Variants in GATA4 observed in about 807,000 individuals in gnomAD.
GATA4 encodes GATA binding protein 4, also known as transcription factor GATA-4.
GATA4 carries 7 observed loss-of-function variants against 37.9 expected under a neutral mutation model. The ratio of observed to expected loss-of-function variants is 0.18; its 90% CI spans 0.11 to 0.35. The LOEUF is 0.35. Ranked by LOEUF, GATA4 falls within the 10% of genes least tolerant of loss-of-function variation. The pLI is 1.00. For missense variants in GATA4, 647 were observed against 653.0 expected, an observed-to-expected ratio of 0.99 and a Z score of 0.10; for synonymous variants, 372 against 292.6, an observed-to-expected ratio of 1.27 and a Z score of -2.77.
intron 2 of GATA4, among the ~76,000 whole-genome samples, chr8:11,726,268 A>T (rs1800919464): frequency 6.6e-6 from 1 of 152,224 alleles, no homozygotes; most frequent in Non-Finnish European, 1.5e-5. Context: ...AAGCCCAGGG[A>T]TGAGCCCATG....
intron 4 of GATA4, 23 bp downstream of exon 4, chr8:11,750,259 C>T (rs201242760): frequency 3.5e-4 from 565 of 1,610,688 alleles, no homozygotes; most frequent in Non-Finnish European, 4.3e-4. Context: ...TGCGCCCATG[C>T]GGCATCCTTG....
chr8:11,709,102 C>A lies in GATA4; in HGVS notation c.616+174C>A, dbSNP rs1049640963. ...CAGTGCGGGGCTGGCGACATCACAGCCCCAGAAGACCGGCTTCTGTGGAAG... is the reference window on the plus strand; with the variant it reads ...CAGTGCGGGGCTGGCGACATCACAGACCCAGAAGACCGGCTTCTGTGGAAG... On this transcript the variant is annotated intron_variant, in intron 2 of 6. Transcript: ENST00000532059. This position sits in a 1 kb window ranked among gnomAD's most constrained non-coding sequence, Gnocchi z 4.3. 6.6e-6 allele frequency among the ~76,000 whole-genome samples: 1 copy of A among 152,172 alleles called. No individual in the cohort carries two copies. Among genetic ancestry groups the A allele is most frequent in the African/African-American group, 2.4e-5 (1 of 41,440 alleles).
At position 11,738,180 on chromosome 8, in the gene GATA4, CAAAAAA is replaced by C. The variant is rs35759534; in HGVS notation, c.617-10723_617-10718del. Among the ~76,000 whole-genome samples the C allele has an allele frequency of 3.6e-5, 3 of 82,474 alleles. No individual in the cohort carries two copies. The South Asian group carries it at 1.2e-3, about 32-fold the overall frequency. 54.1% of individuals were successfully genotyped at this position (82,474 alleles called of 152,430 possible). A position where few individuals can be genotyped will look rare whatever the true frequency, so the allele number is the denominator to read the frequency against. ...TGGGTGACAGAGCAAGACTCTGTCTCAAAAAAAAAAAAAAAAAATCACTATCACAAA... is the reference window on the plus strand; with the variant it reads ...TGGGTGACAGAGCAAGACTCTGTCTCAAAAAAAAAAAATCACTATCACAAA... On this transcript the variant is annotated intron_variant, in intron 2 of 6. Transcript: ENST00000532059.
intron 2 of GATA4, among the ~76,000 whole-genome samples, chr8:11,724,386 A>G (rs1436756360): frequency 6.6e-6 from 1 of 152,160 alleles, no homozygotes; most frequent in East Asian, 1.9e-4. Flanking sequence ...AGGGACCATC[A>G]TCCCATTTTC....
intron 2 of GATA4, among the ~76,000 whole-genome samples, chr8:11,724,892 G>T (rs1341050816): frequency 6.6e-6 from 1 of 152,248 alleles, no homozygotes; most frequent in East Asian, 1.9e-4. Flanking sequence ...GGGGGAGCCA[G>T]TGGCCATCGT....
At chr8:11,715,082 A>G (rs1165434497) in intron 2 of GATA4, among the ~76,000 whole-genome samples, 1 of 152,238 alleles carries the variant, frequency 6.6e-6, no homozygotes, top group Non-Finnish European at 1.5e-5. Flanking sequence ...TACAAACCAT[A>G]AGCTATGTAG....
chr8:11,730,800 A>T (rs1002144415), intron 2 of GATA4, among the ~76,000 whole-genome samples: 3 of 152,248 alleles, frequency 2.0e-5, no homozygotes, highest in Non-Finnish European at 4.4e-5. Context: ...GAAGAAACCC[A>T]GGTCACAGGG....
intron 2 of GATA4, among the ~76,000 whole-genome samples, chr8:11,747,876 G>A (rs1802106216): frequency 6.6e-6 from 1 of 152,142 alleles, no homozygotes; most frequent in South Asian, 2.1e-4. Context: ...AAATGTTTTG[G>A]TATTAAGCAA....
At chr8:11,757,212 C>G in intron 6 of GATA4, 129 bp downstream of exon 6, 1 of 1,375,932 alleles carries the variant, frequency 7.3e-7, no homozygotes, top group Non-Finnish European at 9.8e-7. Context: ...CTACCCTCTG[C>G]GCTAGGAAGA....
At chr8:11,756,151 A>G (rs1195910636) in intron 5 of GATA4, among the ~76,000 whole-genome samples, 1 of 152,196 alleles carries the variant, frequency 6.6e-6, no homozygotes, top group Admixed American at 6.5e-5. Context: ...TCACAGAGAA[A>G]ATGAATTGGC....
chr8:11,690,766 G>A (rs1799285236), upstream of GATA4, among the ~76,000 whole-genome samples: 1 of 152,186 alleles, frequency 6.6e-6, no homozygotes, highest in African/African-American at 2.4e-5. Context: ...CGCTACTCCG[G>A]AGGCCGAGGT....
At chr8:11,702,471 C>T (rs1047511218), upstream of GATA4, among the ~76,000 whole-genome samples, 1 of 151,618 alleles carries the variant, frequency 6.6e-6, no homozygotes, top group Admixed American at 6.6e-5. This position sits in a 1 kb window ranked among gnomAD's most constrained non-coding sequence, Gnocchi z 4.4. Flanking sequence ...CTCTCGCTCG[C>T]CCCCCACGAA....
intron 1 of GATA4, among the ~76,000 whole-genome samples, chr8:11,679,361 T>C (rs1463804951): frequency 6.6e-6 from 1 of 152,226 alleles, no homozygotes; most frequent in South Asian, 2.1e-4. Context: ...TAAAGGGGGC[T>C]CGCGCCGCAC....
chr8:11,707,076 A>G lies in GATA4; in HGVS notation c.-457-780A>G, dbSNP rs1241727620. On this transcript the variant is annotated intron_variant, in intron 1 of 6. Coordinates refer to ENST00000532059, the MANE Select transcript of GATA4 (RefSeq NM_001308093.3). This position sits in a 1 kb window ranked among gnomAD's most constrained non-coding sequence, Gnocchi z 4.7. ...ATTTATTATTCTATATGAAGAACCC[A>G]TTCAGTGAATTAGAATGGTCCAGTG... Among the ~76,000 whole-genome samples the G allele has an allele frequency of 6.6e-6, 1 of 152,246 alleles. No individual in the cohort carries two copies. The highest frequency in any genetic ancestry group is 2.4e-5 in the African/African-American group (1 of 41,468).
intron 2 of GATA4, among the ~76,000 whole-genome samples, chr8:11,736,371 A>T (rs1801453481): frequency 6.6e-6 from 1 of 152,228 alleles, no homozygotes; most frequent in South Asian, 2.1e-4. Context: ...TGAGTTGTGG[A>T]GACCAGACCA....
chr8:11,690,726 C>G (rs1377880781), upstream of GATA4, among the ~76,000 whole-genome samples: 3 of 152,074 alleles, frequency 2.0e-5, no homozygotes, highest in Non-Finnish European at 4.4e-5. Context: ...AACAAAATAG[C>G]CAGATCTGGT....
intron 1 of GATA4, chr8:11,681,544 T>A: frequency 1.3e-6 from 1 of 773,572 alleles, no homozygotes; most frequent in Non-Finnish European, 1.6e-6. Flanking sequence ...GCTGCTGTTG[T>A]TTCTTTAGAT....
At chr8:11,742,305 C>G (rs751656839) in intron 2 of GATA4, among the ~76,000 whole-genome samples, 3 of 152,078 alleles carry the variant, frequency 2.0e-5, no homozygotes, top group Non-Finnish European at 4.4e-5. Context: ...TGTATTTTCC[C>G]CTATCATTTG....
At chr8:11,733,825 G>A (rs1276807546) in intron 2 of GATA4, among the ~76,000 whole-genome samples, 1 of 152,166 alleles carries the variant, frequency 6.6e-6, no homozygotes, top group Non-Finnish European at 1.5e-5. Flanking sequence ...CCACCCCGAT[G>A]ACACAGGCTT....
Sources: gnomAD v4.1 joint callset for allele counts (sites outside exome capture counted in the v4.1 genomes callset) on GRCh38, gnomAD v4.1.1 for gene constraint, Gnocchi (gnomAD v3.1) non-coding constraint, MANE v1.5 for transcripts, NCBI Gene and HGNC (gene_info 2026-07-23, HGNC 2026-07-21) for gene names.